The following ADGRV1 variants were observed in gnomAD, a reference collection of about 807,000 sequenced individuals.
The protein encoded by ADGRV1 is G-protein coupled receptor 98.
Under a neutral mutation model 596.2 loss-of-function variants are expected in ADGRV1, and 359 were observed. That is an observed-to-expected ratio of 0.60 (90% CI 0.55 to 0.66). The LOEUF is 0.66. ADGRV1 is among the 30% of genes least tolerant of loss of function. The probability of loss-of-function intolerance (pLI) is 0.00; values close to 1 mark genes in which losing one functional copy is unlikely to be tolerated. For synonymous variants in ADGRV1, 2,681 were observed against 2,679.2 expected, an observed-to-expected ratio of 1.00 and a Z score of -0.02; for missense variants, 7,274 against 7,575.6, an observed-to-expected ratio of 0.96 and a Z score of 1.48.
intron 87 of ADGRV1, among the ~76,000 whole-genome samples, chr5:91,131,436 T>G (rs1456006866): frequency 2.0e-5 from 3 of 151,840 alleles, no homozygotes; most frequent in African/African-American, 7.3e-5. Flanking sequence ...TTTTTTTTTT[T>G]TTGGTTTTTC....
At chr5:90,631,422 G>C (rs1178620999) in intron 9 of ADGRV1, among the ~76,000 whole-genome samples, 1 of 152,028 alleles carries the variant, frequency 6.6e-6, no homozygotes, top group African/African-American at 2.4e-5. Context: ...CCTGTTACGG[G>C]GATGTAGGAT....
chr5:90,619,243 T>G, intron 4 of ADGRV1, 62 bp downstream of exon 4: 1 of 779,896 alleles, frequency 1.3e-6, no homozygotes, highest in Non-Finnish European at 2.0e-6. Flanking sequence ...ATTTTAAAAA[T>G]TAGTTTTCAT....
At chr5:90,980,654 G>A (rs1780003753) in intron 84 of ADGRV1, among the ~76,000 whole-genome samples, 1 of 152,174 alleles carries the variant, frequency 6.6e-6, no homozygotes. Context: ...AAGATAAACA[G>A]TGAACAGTAA....
intron 85 of ADGRV1, among the ~76,000 whole-genome samples, chr5:91,071,591 G>C (rs1416462395): frequency 6.6e-6 from 1 of 152,154 alleles, no homozygotes; most frequent in Admixed American, 6.6e-5. Flanking sequence ...ACTAAATGCT[G>C]TATGTGAATT....
In ADGRV1 at chr5:90,716,125, A is replaced by C. The variant is rs1750077790; in HGVS notation, c.9185-342A>C. Among the ~76,000 whole-genome samples, 5 of 152,162 alleles carry C rather than the reference A, an allele frequency of 3.3e-5. No homozygotes were observed. In the South Asian group the frequency reaches 1.0e-3, roughly 32 times the overall value. On this transcript the variant is annotated intron_variant, in intron 42 of 89. Transcript: ENST00000405460. Reference sequence around the variant, plus strand: ...GGCTGATAGCCCTGGGACACTGTTAAATAGTAACAATTATGACAGACATTA... The same window carrying C: ...GGCTGATAGCCCTGGGACACTGTTACATAGTAACAATTATGACAGACATTA...
intron 83 of ADGRV1, among the ~76,000 whole-genome samples, chr5:90,897,261 CTG>C (rs763741206): frequency 1.3e-5 from 2 of 152,038 alleles, no homozygotes; most frequent in African/African-American, 2.4e-5. Context: ...TAAAAATAAA[CTG>C]TTGACAGAAA....
intron 67 of ADGRV1, among the ~76,000 whole-genome samples, chr5:90,784,441 A>C (rs1419262030): frequency 2.0e-5 from 3 of 152,216 alleles, no homozygotes; most frequent in Admixed American, 6.5e-5. Flanking sequence ...GCAATAAACA[A>C]CTAAAAATAA....
At chr5:90,935,895 C>G (rs1218643886) in intron 83 of ADGRV1, among the ~76,000 whole-genome samples, 2 of 152,156 alleles carry the variant, frequency 1.3e-5, no homozygotes, top group Non-Finnish European at 2.9e-5. Flanking sequence ...GGAGGATTAC[C>G]TGAGCCTGGG....
intron 21 of ADGRV1, among the ~76,000 whole-genome samples, chr5:90,672,160 A>G (rs1772572448): frequency 6.6e-6 from 1 of 152,206 alleles, no homozygotes; most frequent in South Asian, 2.1e-4. Context: ...TGAGCCCATT[A>G]TAAAATTGCA....
chr5:90,696,998 A>T lies in ADGRV1; in HGVS notation c.8007A>T (p.Glu2669Asp). The T allele has an allele frequency of 6.2e-7, 1 of 1,613,268 alleles. No individual in the cohort carries two copies. Among genetic ancestry groups the T allele is most frequent in the Non-Finnish European group, 8.5e-7 (1 of 1,179,402 alleles). The change falls in exon 34 of 90, where the codon GAA becomes GAT. Residue 2669 changes from glutamate to aspartate, a missense_variant. This residue lies in a region of ADGRV1 where 3,643 missense variants were observed against 3,809.2 expected (regional missense o/e 0.96). Transcript: ENST00000405460. ...ILDDSEPEDD[E>D]SIIVSLVYTE... is the part of the protein sequence containing the mutation. The stretch of plus-strand genomic sequence containing the variant: ...ATGACTCTGAACCAGAGGATGACGA[A>T]AGTATCATAGTTAGTTTGGTGTACA...
intron 1 of ADGRV1, among the ~76,000 whole-genome samples, chr5:90,572,650 GCA>G (rs985846657): frequency 6.6e-6 from 1 of 152,060 alleles, no homozygotes; most frequent in Non-Finnish European, 1.5e-5. Context: ...ACACGCACGT[GCA>G]CACACACATG....
At chr5:90,800,799 A>C (rs1761282319) in intron 70 of ADGRV1, among the ~76,000 whole-genome samples, 1 of 152,164 alleles carries the variant, frequency 6.6e-6, no homozygotes, top group African/African-American at 2.4e-5. Flanking sequence ...GGAAACTGTC[A>C]TTCTCAGCAA....
intron 75 of ADGRV1, among the ~76,000 whole-genome samples, chr5:90,821,694 C>G (rs967919817): frequency 2.0e-4 from 31 of 151,800 alleles, no homozygotes; most frequent in Admixed American, 1.9e-3. Context: ...GTCAGTGTGC[C>G]CCTGCTGGGG....
intron 50 of ADGRV1, among the ~76,000 whole-genome samples, chr5:90,741,990 T>A (rs1360724387): frequency 6.6e-6 from 1 of 152,198 alleles, no homozygotes. Context: ...GAAGAATGAA[T>A]ATGACAAAGA....
rs1761517691 is a variant in ADGRV1 at position 90,802,838 on chromosome 5, AAATC to A, written c.14618_14621del (p.Lys4873MetfsTer25). On this transcript the variant is annotated frameshift_variant, in exon 71 of 90. Transcript: ENST00000405460. LOFTEE classifies it high-confidence loss of function. ...AATGCCAACAATTCTTCAGGAAGCA[AAATC>A]TGCTGTCCTTCCAGTCTCTGAGAAA... 6.2e-7 allele frequency: 1 copy of A among 1,611,134 alleles called. No homozygotes were observed. Among genetic ancestry groups the A allele is most frequent in the Non-Finnish European group, 8.5e-7 (1 of 1,178,720 alleles).
chr5:90,924,345 T>C (rs1276890462), intron 83 of ADGRV1, among the ~76,000 whole-genome samples: 1 of 151,970 alleles, frequency 6.6e-6, no homozygotes, highest in Non-Finnish European at 1.5e-5. Context: ...AGATGGTATC[T>C]CATTGTGGTT....
chr5:90,690,084 G>A lies in ADGRV1; in HGVS notation c.6706+8G>A. On this transcript the variant is annotated splice_region_variant and intron_variant, in intron 30 of 89. Transcript: ENST00000405460. ...ACCCCTATGGATTATTTGGTATGAAGACTAATTTATGTCTCTCTTTGACTT... is the reference window on the plus strand; with the variant it reads ...ACCCCTATGGATTATTTGGTATGAAAACTAATTTATGTCTCTCTTTGACTT... 1 of 1,454,130 alleles carries A rather than the reference G, an allele frequency of 6.9e-7. No individual in the cohort carries two copies. The highest frequency in any genetic ancestry group is 2.4e-5 in the East Asian group (1 of 41,698). 90.1% of individuals were successfully genotyped at this position (1,454,130 alleles called of 1,614,324 possible).
chr5:90,712,456 T>C, intron 42 of ADGRV1, 28 bp downstream of exon 42: 1 of 1,525,680 alleles, frequency 6.6e-7, no homozygotes, highest in Non-Finnish European at 8.9e-7. Context: ...ATAAACAGCT[T>C]CCTCTCCTTC....
At chr5:91,028,697 T>C (rs1376203004) in intron 85 of ADGRV1, among the ~76,000 whole-genome samples, 2 of 150,382 alleles carry the variant, frequency 1.3e-5, no homozygotes, top group Non-Finnish European at 3.0e-5. Flanking sequence ...ACCCAACATG[T>C]CTGAGCCAAA....
Sources: allele counts gnomAD v4.1 joint callset (sites outside exome capture counted in the v4.1 genomes callset), GRCh38; gene constraint gnomAD v4.1.1; regional missense constraint gnomAD v4.1.1; transcripts MANE v1.5; gene names NCBI Gene and HGNC (gene_info 2026-07-23, HGNC 2026-07-21).